SLCO1B1: variants seen among roughly 807,000 people sequenced by gnomAD.
SLCO1B1 encodes the protein solute carrier organic anion transporter family member 1B1, also known as OATP-2.
Under a neutral mutation model 70.1 loss-of-function variants are expected in SLCO1B1, and 81 were observed. That is an observed-to-expected ratio of 1.16 (90% CI 0.97 to 1.39). SLCO1B1 has a LOEUF of 1.39. Ranked by LOEUF, SLCO1B1 falls within the 40% of genes most tolerant of loss-of-function variation. SLCO1B1 has a pLI of 0.00. For synonymous variants in SLCO1B1, 283 were observed against 271.5 expected, an observed-to-expected ratio of 1.04 and a Z score of -0.42; for missense variants, 895 against 799.6, an observed-to-expected ratio of 1.12 and a Z score of -1.44.
In SLCO1B1 at chr12:21,222,349, G is replaced by A. The variant is rs201001269; in HGVS notation, c.1732G>A (p.Val578Ile). 3.9e-4 allele frequency: 210 copies of A among 545,394 alleles called. No individual in the cohort carries two copies. Among genetic ancestry groups the A allele is most frequent in the Non-Finnish European group, 5.3e-4 (194 of 366,254 alleles). 33.8% of individuals were successfully genotyped at this position (545,394 alleles called of 1,614,324 possible). Residue 578 changes from valine (V) to isoleucine (I), a missense_variant, in exon 13 of 15, where the codon GTT becomes ATT. Coordinates refer to ENST00000256958, the MANE Select transcript of SLCO1B1 (RefSeq NM_006446.5). ...KSLALGFHSM[V>I]IRALGGILAP... The stretch of plus-strand genomic sequence containing the variant: ...ACTTGCACTGGGTTTCCACTCAATG[G>A]TTATACGAGCACTAGGTATGATGAA...
chr12:21,230,792 C>T (rs1941527693), intron 14 of SLCO1B1, among the ~76,000 whole-genome samples: 1 of 152,038 alleles, frequency 6.6e-6, no homozygotes, highest in African/African-American at 2.4e-5. Context: ...TAGAATTCAC[C>T]AATGAACCTA....
At chr12:21,233,430 C>A (rs1941562227) in intron 14 of SLCO1B1, among the ~76,000 whole-genome samples, 1 of 152,066 alleles carries the variant, frequency 6.6e-6, no homozygotes, top group South Asian at 2.1e-4. Flanking sequence ...CCCAAACGAA[C>A]CTTCTATTCT....
At chr12:21,236,005 A>G (rs1941592844) in intron 14 of SLCO1B1, among the ~76,000 whole-genome samples, 1 of 152,030 alleles carries the variant, frequency 6.6e-6, no homozygotes, top group Non-Finnish European at 1.5e-5. Flanking sequence ...AACTTAGGCA[A>G]TCTGATGACT....
At chr12:21,186,601 G>A (rs1940964422) in intron 7 of SLCO1B1, among the ~76,000 whole-genome samples, 1 of 151,886 alleles carries the variant, frequency 6.6e-6, no homozygotes, top group Non-Finnish European at 1.5e-5. Flanking sequence ...ATATAATGCA[G>A]ATTGAGGTCT....
intron 7 of SLCO1B1, among the ~76,000 whole-genome samples, chr12:21,182,130 A>C (rs1365820590): frequency 6.6e-6 from 1 of 152,162 alleles, no homozygotes; most frequent in South Asian, 2.1e-4. Flanking sequence ...CTGAGGCTGA[A>C]GAGAGAGAAA....
Position 21,222,282 on chromosome 12 carries a change from G to A in SLCO1B1, c.1683-18G>A, listed in dbSNP as rs758174475. 1 of 1,296,826 alleles carries A rather than the reference G, an allele frequency of 7.7e-7. No individual in the cohort carries two copies. The highest frequency in any genetic ancestry group is 1.5e-5 in the South Asian group (1 of 65,982). The allele number at this position is 1,296,826 out of a possible 1,614,324, so 80.3% of individuals were successfully genotyped here. ...TTTTAATGATATTTAATGTTTCTTTGCCTTTGTCTTGTTTCAGAATTGTTC... is the reference window on the plus strand; with the variant it reads ...TTTTAATGATATTTAATGTTTCTTTACCTTTGTCTTGTTTCAGAATTGTTC... On this transcript the variant is annotated intron_variant, in intron 12 of 14. Transcript: ENST00000256958.
At chr12:21,185,066 T>G (rs1276360333) in intron 7 of SLCO1B1, among the ~76,000 whole-genome samples, 1 of 152,092 alleles carries the variant, frequency 6.6e-6, no homozygotes, top group Non-Finnish European at 1.5e-5. Flanking sequence ...GACTTAACTA[T>G]TCTAAATATA....
intron 10 of SLCO1B1, among the ~76,000 whole-genome samples, chr12:21,204,508 A>G (rs1941191928): frequency 6.9e-6 from 1 of 145,208 alleles, no homozygotes; most frequent in Non-Finnish European, 1.5e-5. Context: ...CTGAGAACCA[A>G]TTTTTTTTCC....
chr12:21,131,687 T>TA (rs4149089), intron 1 of SLCO1B1, among the ~76,000 whole-genome samples: 35,247 of 151,768 alleles, frequency 0.23, 4,542 homozygotes, highest in East Asian at 0.45. Context: ...TTGGCAAACA[T>TA]AAAAAACAGG....
intron 1 of SLCO1B1, among the ~76,000 whole-genome samples, chr12:21,139,520 C>T (rs1940277915): frequency 6.6e-6 from 1 of 151,900 alleles, no homozygotes; most frequent in Non-Finnish European, 1.5e-5. Flanking sequence ...ATGCACTATC[C>T]CTTAAATATG....
At chr12:21,211,272 T>C (rs897782799) in intron 11 of SLCO1B1, among the ~76,000 whole-genome samples, 30 of 152,010 alleles carry the variant, frequency 2.0e-4, no homozygotes, top group Admixed American at 8.5e-4. Context: ...TAGCATGAAG[T>C]GTTGTTGCAT....
intron 11 of SLCO1B1, among the ~76,000 whole-genome samples, chr12:21,209,038 T>TGG (rs1053740132): frequency 6.0e-5 from 9 of 150,432 alleles, no homozygotes; most frequent in African/African-American, 2.2e-4. Flanking sequence ...GTATTTAGGG[T>TGG]TTTTTTTTAA....
At chr12:21,132,624 T>TA (rs1940155376) in intron 1 of SLCO1B1, among the ~76,000 whole-genome samples, 1 of 152,232 alleles carries the variant, frequency 6.6e-6, no homozygotes, top group South Asian at 2.1e-4. Flanking sequence ...TTTGGCTGCA[T>TA]AAATGTCTTC....
At chr12:21,148,403 G>A (rs936898124) in intron 2 of SLCO1B1, among the ~76,000 whole-genome samples, 1 of 152,076 alleles carries the variant, frequency 6.6e-6, no homozygotes, top group African/African-American at 2.4e-5. Context: ...TAAGAAAGGG[G>A]TCCAGTTTCA....
chr12:21,202,709 A>C, intron 10 of SLCO1B1, 23 bp downstream of exon 10: 1 of 1,540,634 alleles, frequency 6.5e-7, no homozygotes, highest in Non-Finnish European at 9.0e-7. Flanking sequence ...CACTATATCA[A>C]TTGCATAATA....
At chr12:21,154,829 G>C (rs909157516) in intron 2 of SLCO1B1, among the ~76,000 whole-genome samples, 1 of 151,952 alleles carries the variant, frequency 6.6e-6, no homozygotes, top group Non-Finnish European at 1.5e-5. Flanking sequence ...TTATATGCTT[G>C]AGCATATATC....
chr12:21,148,713 T>C (rs1940423444), intron 2 of SLCO1B1, among the ~76,000 whole-genome samples: 1 of 148,620 alleles, frequency 6.7e-6, no homozygotes, highest in Non-Finnish European at 1.5e-5. Flanking sequence ...TTTTTTTTTT[T>C]TTGGTTCCAT....
Position 21,200,638 on chromosome 12 carries a change from T to A in SLCO1B1, c.1101T>A (p.Tyr367Ter). ...TCTTCAAATACGTAGAGCAACAGTA[T>A]GGTCAGCCTTCATCTAAGGCTAACA... Reference protein sequence around the residue: ...TYVFKYVEQQYGQPSSKANIL... With the variant: ...TYVFKYVEQQ Residue 367 changes from tyrosine to a stop codon, truncating the protein, a stop_gained, in exon 9 of 15, where the codon TAT becomes TAA. Coordinates refer to ENST00000256958, the MANE Select transcript of SLCO1B1 (RefSeq NM_006446.5). LOFTEE classifies it high-confidence loss of function. 1 of 1,612,524 alleles carries A rather than the reference T, an allele frequency of 6.2e-7. No individual in the cohort carries two copies. Among genetic ancestry groups the A allele is most frequent in the Non-Finnish European group, 8.5e-7 (1 of 1,179,112 alleles).
At chr12:21,153,832 A>G (rs992423985) in intron 2 of SLCO1B1, among the ~76,000 whole-genome samples, 1 of 151,882 alleles carries the variant, frequency 6.6e-6, no homozygotes, top group African/African-American at 2.4e-5. Flanking sequence ...TGATGTTTCT[A>G]TGTCTATTTG....
Sources: gnomAD v4.1 joint callset for allele counts (sites outside exome capture counted in the v4.1 genomes callset) on GRCh38, gnomAD v4.1.1 for gene constraint, MANE v1.5 for transcripts, NCBI Gene and HGNC (gene_info 2026-07-23, HGNC 2026-07-21) for gene names.